Variants in ZNF365 observed in about 807,000 individuals in gnomAD.
ZNF365 encodes protein ZNF365.
ZNF365 carries 22 observed loss-of-function variants against 35.0 expected under a neutral mutation model. The observed-to-expected ratio is 0.63, with a 90% CI of 0.45 to 0.90. ZNF365 has a LOEUF of 0.90. Ranked by LOEUF, ZNF365 falls within the 40% of genes least tolerant of loss-of-function variation. The pLI is 0.00. For missense variants in ZNF365, 448 were observed against 500.3 expected (o/e 0.90, Z 1.00); for synonymous variants, 188 against 196.2 (o/e 0.96, Z 0.35).
At chr10:62,408,559 GT>G (rs1272608130) in intron 3 of ZNF365, among the ~76,000 whole-genome samples, 2 of 152,080 alleles carry the variant, frequency 1.3e-5, no homozygotes, top group Non-Finnish European at 2.9e-5. Flanking sequence ...TCCATATAAG[GT>G]TTTTAGCATA....
intron 4 of ZNF365, among the ~76,000 whole-genome samples, chr10:62,462,633 A>G (rs970942321): frequency 2.0e-5 from 3 of 152,226 alleles, no homozygotes. Context: ...TCAACATTGC[A>G]TAAGACCCTG....
At chr10:62,383,823 A>G (rs1206880748) in intron 2 of ZNF365, among the ~76,000 whole-genome samples, 2 of 152,208 alleles carry the variant, frequency 1.3e-5, no homozygotes, top group African/African-American at 4.8e-5. Context: ...TTCAGACCAT[A>G]TGGTCATCCT....
chr10:62,384,569 T>A (rs1434432550), intron 2 of ZNF365, among the ~76,000 whole-genome samples: 2 of 152,236 alleles, frequency 1.3e-5, no homozygotes, highest in Middle Eastern at 3.2e-3. Flanking sequence ...ACTTTGGTAG[T>A]TCCACATTCA....
rs1839832174 is a variant in ZNF365, at chr10:62,401,684, TAAAA to T, written c.*1897_*1900del. 1.7e-5 allele frequency: 17 copies of T among 985,486 alleles called. No individual in the cohort carries two copies. Among genetic ancestry groups the T allele is most frequent in the Middle Eastern group, 1.0e-3 (2 of 1,936 alleles). 61.0% of individuals were successfully genotyped at this position (985,486 alleles called of 1,614,324 possible). ...GATTGCACCTTAGCCTTTTACATAC[TAAAA>T]ACATGACTTGTTAGTTGTATTGCAT... On this transcript the variant is annotated 3_prime_UTR_variant, in exon 5 of 5. Coordinates refer to ENST00000395254, the MANE Select transcript of ZNF365 (RefSeq NM_014951.3).
rs184098438 is a variant in ZNF365 at position 62,388,460 on chromosome 10, C to T, written c.808C>T (p.Arg270Trp). ...TGAGAAGGAGGTTCAAGGGAAAGCCCGGCTCCAGGACTTTATTGAGAATCT... is the reference window on the plus strand; with the variant it reads ...TGAGAAGGAGGTTCAAGGGAAAGCCTGGCTCCAGGACTTTATTGAGAATCT... ...AAEKEVQGKARLQDFIENLLQ... is the reference protein window; with the variant it reads ...AAEKEVQGKAWLQDFIENLLQ... Residue 270 changes from arginine (R) to tryptophan (W), a missense_variant, in exon 3 of 5, where the codon CGG becomes TGG. Physicochemically the swap from Arg to Trp is moderately radical, Grantham distance 101. This residue lies in a region of ZNF365 where 362 missense variants were observed against 375.7 expected (regional missense o/e 0.96). Coordinates refer to ENST00000395254, the MANE Select transcript of ZNF365 (RefSeq NM_014951.3). The T allele has an allele frequency of 2.4e-5, 38 of 1,614,170 alleles. No homozygotes were observed. Among genetic ancestry groups the T allele is most frequent in the Non-Finnish European group, 3.0e-5 (35 of 1,180,040 alleles).
chr10:62,466,580 G>A (rs2132486154), intron 4 of ZNF365, among the ~76,000 whole-genome samples: 1 of 152,276 alleles, frequency 6.6e-6, no homozygotes, highest in African/African-American at 2.4e-5. Context: ...GAGGTTTCTG[G>A]CTGGTGAAAT....
chr10:62,479,587 T>C (rs1841188538), intron 4 of ZNF365, among the ~76,000 whole-genome samples: 1 of 152,186 alleles, frequency 6.6e-6, no homozygotes, highest in African/African-American at 2.4e-5. Context: ...CTTCAGGAAA[T>C]GGATAAAAAC....
At chr10:62,411,511 C>G (rs1432418113) in intron 3 of ZNF365, among the ~76,000 whole-genome samples, 1 of 152,128 alleles carries the variant, frequency 6.6e-6, no homozygotes, top group Non-Finnish European at 1.5e-5. Flanking sequence ...GCCAGTTCTT[C>G]TGGCACTATT....
At chr10:62,452,477 G>A (rs1332468666) in intron 3 of ZNF365, among the ~76,000 whole-genome samples, 7 of 152,360 alleles carry the variant, frequency 4.6e-5, no homozygotes, top group African/African-American at 1.7e-4. Flanking sequence ...GAATCTTGAA[G>A]AGAATTTCTT....
rs1840275242 is a variant in ZNF365 at position 62,427,961 on chromosome 10, T to C, written c.925-31780T>C. The stretch of plus-strand genomic sequence containing the variant: ...GAGGAAAATTCCATATTCACTTTAT[T>C]TGAACATCACAGAAGCCAATATGAT... On this transcript the variant is annotated intron_variant, in intron 3 of 4. Transcript: ENST00000395255. Among the ~76,000 whole-genome samples the C allele has an allele frequency of 3.3e-5, 5 of 152,198 alleles. No individual in the cohort carries two copies. In the South Asian group the frequency reaches 1.0e-3, roughly 32 times the overall value.
chr10:62,443,316 G>GA (rs1284661468), intron 3 of ZNF365, among the ~76,000 whole-genome samples: 2 of 152,178 alleles, frequency 1.3e-5, no homozygotes, highest in African/African-American at 2.4e-5. Flanking sequence ...GAAAACTGGA[G>GA]ACAAACAGAG....
intron 4 of ZNF365, among the ~76,000 whole-genome samples, chr10:62,463,103 C>T (rs1840874974): frequency 6.6e-6 from 1 of 152,134 alleles, no homozygotes; most frequent in Non-Finnish European, 1.5e-5. Flanking sequence ...TCAAAGTGCA[C>T]ACATTGAAAA....
intron 4 of ZNF365, among the ~76,000 whole-genome samples, chr10:62,478,765 G>A (rs995163771): frequency 2.6e-5 from 4 of 152,020 alleles, no homozygotes; most frequent in Admixed American, 6.6e-5. Context: ...TAGTAGAGAC[G>A]GGGTTTCACC....
intron 4 of ZNF365, among the ~76,000 whole-genome samples, chr10:62,464,337 T>A (rs1329867934): frequency 6.6e-6 from 1 of 152,208 alleles, no homozygotes; most frequent in African/African-American, 2.4e-5. Flanking sequence ...AAACACCCCA[T>A]CCTATTTCTT....
At chr10:62,460,443 T>C (rs1270885283) in intron 4 of ZNF365, among the ~76,000 whole-genome samples, 3 of 152,188 alleles carry the variant, frequency 2.0e-5, no homozygotes, top group Non-Finnish European at 4.4e-5. Flanking sequence ...CAACAATGGC[T>C]AATAATAAAA....
intron 2 of ZNF365, 77 bp downstream of exon 2, chr10:62,377,013 C>T: frequency 6.6e-7 from 1 of 1,515,028 alleles, no homozygotes; most frequent in Non-Finnish European, 8.8e-7. Flanking sequence ...AAATGCTAAG[C>T]AAGGTTGATT....
chr10:62,377,863 G>A (rs964655435), intron 2 of ZNF365, among the ~76,000 whole-genome samples: 4 of 152,178 alleles, frequency 2.6e-5, no homozygotes, highest in African/African-American at 7.2e-5. Flanking sequence ...CAAATAATTT[G>A]AGTTCTATTA....
intron 3 of ZNF365, among the ~76,000 whole-genome samples, chr10:62,455,613 A>T: frequency 6.6e-6 from 1 of 152,048 alleles, no homozygotes; most frequent in South Asian, 2.1e-4. Context: ...TATAAATCTC[A>T]TATATACATA....
At chr10:62,412,729 C>A (rs1840006226) in intron 3 of ZNF365, among the ~76,000 whole-genome samples, 1 of 152,130 alleles carries the variant, frequency 6.6e-6, no homozygotes, top group Admixed American at 6.5e-5. Flanking sequence ...TGAAGGACCT[C>A]TTCAAGGAGA....
Sources: gnomAD v4.1 joint callset for allele counts (sites outside exome capture counted in the v4.1 genomes callset) on GRCh38, gnomAD v4.1.1 for gene constraint, gnomAD v4.1.1 regional missense constraint, MANE v1.5 for transcripts, NCBI Gene and HGNC (gene_info 2026-07-23, HGNC 2026-07-21) for gene names.